The following TDRD9 variants were observed in gnomAD, a reference collection of about 807,000 sequenced individuals.
TDRD9 encodes the protein tudor domain containing 9, also known as ATP-dependent RNA helicase TDRD9.
A neutral mutation model predicts 172.6 loss-of-function variants in TDRD9; 124 were observed. The observed-to-expected ratio is 0.72, with a 90% CI of 0.62 to 0.83. The LOEUF (loss-of-function observed/expected upper bound fraction) is 0.83. Among genes scored for constraint, TDRD9 ranks in the 40% least tolerant of loss-of-function variants. TDRD9 has a pLI of 0.00. For synonymous variants in TDRD9, 619 were observed against 617.1 expected (o/e 1.00, Z -0.05); for missense variants, 1,479 against 1,714.1 (o/e 0.86, Z 2.42).
At chr14:104,015,011 T>C (rs146748041) in intron 21 of TDRD9, among the ~76,000 whole-genome samples, 170 bp downstream of exon 21, 1,585 of 152,340 alleles carry the variant, frequency 0.01, 17 homozygotes, top group Middle Eastern at 0.017. Context: ...TCTTCTTTCA[T>C]AGTTTGCATT....
Position 103,999,643 on chromosome 14 carries a change from A to AC in TDRD9, c.1483+915_1483+916insC, listed in dbSNP as rs1566771643. On this transcript the variant is annotated intron_variant, in intron 13 of 35. Coordinates refer to ENST00000409874, the MANE Select transcript of TDRD9 (RefSeq NM_153046.3). ...GCTTTTTTTTTTGTTTGTTTTTTAG[A>AC]AAACCTTTTGGGAAGGGTAGATAAA... Among the ~76,000 whole-genome samples the AC allele has an allele frequency of 5.6e-3, 725 of 130,468 alleles. 10 individuals carry two copies. Among genetic ancestry groups the AC allele is most frequent in the Middle Eastern group, 0.012 (3 of 250 alleles). The allele number at this position is 130,468 out of a possible 152,430, so 85.6% of individuals were successfully genotyped here.
intron 21 of TDRD9, among the ~76,000 whole-genome samples, 200 bp from the exon 22 acceptor site, chr14:104,015,781 A>AT (rs2034771914): frequency 1.3e-5 from 2 of 152,184 alleles, no homozygotes; most frequent in East Asian, 3.9e-4. Flanking sequence ...AAAAGTGTTT[A>AT]TTTTTTAGTG....
intron 1 of TDRD9, among the ~76,000 whole-genome samples, chr14:103,943,600 C>T (rs574633528): frequency 4.6e-5 from 7 of 151,312 alleles, no homozygotes; most frequent in Non-Finnish European, 1.0e-4. Context: ...CCACCTGCCT[C>T]AGCCTCCCAA....
intron 25 of TDRD9, among the ~76,000 whole-genome samples, chr14:104,025,282 G>A (rs1009689480): frequency 1.3e-5 from 2 of 152,218 alleles, no homozygotes; most frequent in East Asian, 3.9e-4. Flanking sequence ...GTGCCCCGCC[G>A]AAATGCTTAT....
chr14:104,027,793 C>A (rs942652417), intron 28 of TDRD9, among the ~76,000 whole-genome samples: 1 of 152,164 alleles, frequency 6.6e-6, no homozygotes. Flanking sequence ...ACGCAAGAAC[C>A]TATTCCTCCA....
intron 25 of TDRD9, 106 bp from the exon 26 acceptor site, chr14:104,025,458 T>G: frequency 2.6e-6 from 2 of 782,986 alleles, no homozygotes; most frequent in Non-Finnish European, 2.1e-6. Flanking sequence ...TTAACGCTGG[T>G]GAGGTGTCGT....
intron 13 of TDRD9, among the ~76,000 whole-genome samples, chr14:103,999,293 CTTAAAG>C (rs1190105998): frequency 6.6e-6 from 1 of 152,058 alleles, no homozygotes; most frequent in Non-Finnish European, 1.5e-5. Flanking sequence ...ATGTTTTTTT[CTTAAAG>C]TTAAGTTAAA....
chr14:103,940,296 G>A (rs1310305134), intron 1 of TDRD9: 2 of 152,876 alleles, frequency 1.3e-5, no homozygotes, highest in Non-Finnish European at 2.9e-5. Context: ...TGAGCGTTGG[G>A]TTAAAGCCCT....
chr14:103,994,599 GA>G lies in TDRD9; in HGVS notation c.1319del (p.Lys440ArgfsTer22), dbSNP rs2033989834. The G allele has an allele frequency of 6.2e-7, 1 of 1,611,880 alleles. No homozygotes were observed. Among genetic ancestry groups the G allele is most frequent in the African/African-American group, 1.3e-5 (1 of 74,882 alleles). The stretch of plus-strand genomic sequence containing the variant: ...TTTTTAAGTCCAGTCCCTGGGTACA[GA>G]AAGGTAGGAAAACTGGGAAGACAAG... ...NVFLSPVPGYRKIILSTNIAE... is the reference protein window; with the variant it reads ...NVFLSPVPGYXKIILSTNIAE... On this transcript the variant is annotated frameshift_variant, in exon 11 of 36. Transcript: ENST00000409874. LOFTEE classifies it high-confidence loss of function.
At chr14:103,975,718 A>G (rs2033210213) in intron 7 of TDRD9, among the ~76,000 whole-genome samples, 165 bp downstream of exon 7, 1 of 152,250 alleles carries the variant, frequency 6.6e-6, no homozygotes, top group Non-Finnish European at 1.5e-5. Flanking sequence ...ATTTTGATAC[A>G]TAGGTATAAT....
intron 12 of TDRD9, 113 bp from the exon 13 acceptor site, chr14:103,998,511 C>G: frequency 1.4e-6 from 1 of 697,196 alleles, no homozygotes; most frequent in Non-Finnish European, 2.5e-6. Flanking sequence ...TCTGCCTGTT[C>G]ACTAATTCTT....
rs74086785 is a variant in TDRD9 at position 103,957,722 on chromosome 14, T to A, written c.322+1952T>A. ...GAAAGCACATTAGTTAGTTTATAGA[T>A]GACTCTGTGTGATGTGATCCTTCTT... On this transcript the variant is annotated intron_variant, in intron 2 of 35. Transcript: ENST00000409874. 1.9e-3 allele frequency among the ~76,000 whole-genome samples: 286 copies of A among 152,324 alleles called. 1 individual carries two copies. Among genetic ancestry groups the A allele is most frequent in the African/African-American group, 6.7e-3 (279 of 41,574 alleles).
rs543973434 is a variant in TDRD9 at position 104,046,998 on chromosome 14, A to T, written c.3975-2610A>T. 2.6e-5 allele frequency among the ~76,000 whole-genome samples: 4 copies of T among 152,212 alleles called. No individual in the cohort carries two copies. The South Asian group carries it at 8.3e-4, about 32-fold the overall frequency. On this transcript the variant is annotated intron_variant, in intron 34 of 35. Coordinates refer to ENST00000409874, the MANE Select transcript of TDRD9 (RefSeq NM_153046.3). Reference sequence around the variant, plus strand: ...TTTTATATTCTTTTCCTTTCCATGCAAATTTTTGGATCAGCTTGTCAGTTT... The same window carrying T: ...TTTTATATTCTTTTCCTTTCCATGCTAATTTTTGGATCAGCTTGTCAGTTT...
At chr14:103,998,769 G>A in intron 13 of TDRD9, 41 bp downstream of exon 13, 1 of 1,007,528 alleles carries the variant, frequency 9.9e-7, no homozygotes, top group Non-Finnish European at 1.6e-6. Flanking sequence ...AGTCATTGGT[G>A]ACACAGTGGC....
chr14:103,993,669 C>A (rs751129787), intron 9 of TDRD9, among the ~76,000 whole-genome samples: 21 of 152,208 alleles, frequency 1.4e-4, no homozygotes, highest in Non-Finnish European at 2.8e-4. Flanking sequence ...TGTCACATGG[C>A]ATTCTCTGTT....
intron 21 of TDRD9, among the ~76,000 whole-genome samples, chr14:104,015,510 T>C (rs1203776036): frequency 6.6e-6 from 1 of 152,206 alleles, no homozygotes; most frequent in Non-Finnish European, 1.5e-5. Context: ...AAGAAGGGAC[T>C]CTTTGCAGAG....
chr14:104,006,860 GT>G lies in TDRD9; in HGVS notation c.2007+16del. 1 of 1,605,548 alleles carries G rather than the reference GT, an allele frequency of 6.2e-7. No homozygotes were observed. The highest frequency in any genetic ancestry group is 8.5e-7 in the Non-Finnish European group (1 of 1,174,450). Reference sequence around the variant, plus strand: ...AGGCATTTAAAGTAAGTTTTCTGTTGTGTAAACCATGAAAGCAGCTACCACA... The same window carrying G: ...AGGCATTTAAAGTAAGTTTTCTGTTGGTAAACCATGAAAGCAGCTACCACA... On this transcript the variant is annotated intron_variant, in intron 18 of 35. Coordinates refer to ENST00000409874, the MANE Select transcript of TDRD9 (RefSeq NM_153046.3).
rs747929352 is a variant in TDRD9 at position 104,006,454 on chromosome 14, C to T, written c.1779C>T (p.Phe593=). Residue 593 remains phenylalanine (F), a synonymous_variant, in exon 16 of 36, where the codon TTC becomes TTT. Coordinates refer to ENST00000409874, the MANE Select transcript of TDRD9 (RefSeq NM_153046.3). ...ACCCCCATGATGGTGAATTGACCTT[C>T]TTAGGAAGAGTTTTAGCCCAACTTC... The part of the protein sequence containing the change: ...DENPHDGELT[F]LGRVLAQLPV... 136 of 1,613,732 alleles carry T rather than the reference C, an allele frequency of 8.4e-5. No homozygotes were observed. The highest frequency in any genetic ancestry group is 1.1e-4 in the Non-Finnish European group (132 of 1,179,754).
chr14:104,035,131 C>T, intron 32 of TDRD9, 75 bp downstream of exon 32: 2 of 1,195,354 alleles, frequency 1.7e-6, no homozygotes, highest in Non-Finnish European at 1.2e-6. Flanking sequence ...CCTCTCCTTG[C>T]TCCTTTTGGA....
Sources: gnomAD v4.1 joint callset for allele counts (sites outside exome capture counted in the v4.1 genomes callset) on GRCh38, gnomAD v4.1.1 for gene constraint, MANE v1.5 for transcripts, NCBI Gene and HGNC (gene_info 2026-07-23, HGNC 2026-07-21) for gene names.